Variants in STX4 observed in about 807,000 individuals in gnomAD.
STX4 encodes syntaxin-4.
In STX4, 24 loss-of-function variants were observed where a neutral mutation model predicts 41.8. The observed-to-expected ratio is 0.57, with a 90% CI of 0.42 to 0.81. The LOEUF (loss-of-function observed/expected upper bound fraction) is 0.81. Ranked by LOEUF, STX4 falls within the 30% of genes least tolerant of loss-of-function variation. The pLI is 0.00. For synonymous variants in STX4, 158 were observed against 156.4 expected (o/e 1.01, Z -0.08); for missense variants, 316 against 389.9 (o/e 0.81, Z 1.60).
rs1415679932 is a variant in STX4 at position 31,039,722 on chromosome 16, G to A, written c.814-1G>A. ...TTCCCTGACCCCCTCCTCTCCCACAGAAGAAAGTCTTGATTGCCATCTGTG... is the reference window on the plus strand; with the variant it reads ...TTCCCTGACCCCCTCCTCTCCCACAAAAGAAAGTCTTGATTGCCATCTGTG... On this transcript the variant is annotated splice_acceptor_variant, in intron 9 of 10. Coordinates refer to ENST00000313843, the MANE Select transcript of STX4 (RefSeq NM_004604.5). LOFTEE classifies it high-confidence loss of function. This position sits in a 1 kb window ranked among gnomAD's most constrained non-coding sequence, Gnocchi z 4.1. 1 of 1,614,208 alleles carries A rather than the reference G, an allele frequency of 6.2e-7. No individual in the cohort carries two copies. Among genetic ancestry groups the A allele is most frequent in the Non-Finnish European group, 8.5e-7 (1 of 1,180,034 alleles).
In STX4 at chr16:31,034,542, C is replaced by A. The variant is rs377136873; in HGVS notation, c.307+6C>A. ...GATCCGCCTGCAGCTGAAGGGTGAGCTCCTGGGACCTCAGACAGATCCTTC... is the reference window on the plus strand; with the variant it reads ...GATCCGCCTGCAGCTGAAGGGTGAGATCCTGGGACCTCAGACAGATCCTTC... On this transcript the variant is annotated splice_donor_region_variant and intron_variant, in intron 4 of 10. Transcript: ENST00000313843. 5 of 1,577,244 alleles carry A rather than the reference C, an allele frequency of 3.2e-6. No individual in the cohort carries two copies. The African/African-American group carries it at 5.4e-5, about 17-fold the overall frequency.
rs200012136 is a variant in STX4, at chr16:31,039,549, G to A, written c.711G>A (p.Met237Ile). The A allele has an allele frequency of 8.6e-5, 138 of 1,613,992 alleles. No individual in the cohort carries two copies. The highest frequency in any genetic ancestry group is 1.1e-4 in the Non-Finnish European group (126 of 1,180,016). Residue 237 changes from methionine (M) to isoleucine (I), a missense_variant, in exon 9 of 11, where the codon ATG becomes ATA. Physicochemically the swap from Met to Ile is conservative, Grantham distance 10. Transcript: ENST00000313843. The surrounding 1 kb of genome is among the most constrained non-coding windows in gnomAD (Gnocchi z 4.1). ...CCCCATCCTCTGAGCAGGGGGAGAT[G>A]ATCAATCGGATTGAGAAGAACATCC... ...LATEVEMQGE[M>I]INRIEKNILS...
chr16:31,040,091 G>C lies in STX4; in HGVS notation c.*195G>C. ...CTCCTCCTTCAGGCCTCAATGCCTG[G>C]GGGAGGCCTGCACTGTCCTGATTGG... is the stretch of plus-strand genomic sequence containing the variant. On this transcript the variant is annotated 3_prime_UTR_variant, in exon 11 of 11. Coordinates refer to ENST00000313843, the MANE Select transcript of STX4 (RefSeq NM_004604.5). The C allele has an allele frequency of 1.9e-6, 1 of 524,510 alleles. No individual in the cohort carries two copies. The highest frequency in any genetic ancestry group is 3.4e-6 in the Non-Finnish European group (1 of 289,938). 32.5% of individuals were successfully genotyped at this position (524,510 alleles called of 1,614,324 possible).
chr16:31,035,149 T>G, intron 5 of STX4, 109 bp downstream of exon 5: 1 of 821,246 alleles, frequency 1.2e-6, no homozygotes, highest in Non-Finnish European at 1.8e-6. Flanking sequence ...TCCAATTGGA[T>G]GACTTTTCCA....
In STX4 at chr16:31,040,037, G is replaced by A. The variant is rs932267623; in HGVS notation, c.*141G>A. ...ATGCAGAAGGGCAGACAGTTCTTCT[G>A]GGGTTGGCAGCTGCTCATTCATGAT... On this transcript the variant is annotated 3_prime_UTR_variant, in exon 11 of 11. Transcript: ENST00000313843. 1.7e-6 allele frequency: 1 copy of A among 582,374 alleles called. No homozygotes were observed. Among genetic ancestry groups the A allele is most frequent in the Non-Finnish European group, 3.1e-6 (1 of 326,542 alleles). 36.1% of individuals were successfully genotyped at this position (582,374 alleles called of 1,614,324 possible).
Position 31,038,556 on chromosome 16 carries a change from C to T in STX4, c.611C>T (p.Ser204Leu), listed in dbSNP as rs1165344395. The change falls in exon 8 of 11, where the codon TCG becomes TTG. Residue 204 changes from serine to leucine, a missense_variant. Coordinates refer to ENST00000313843, the MANE Select transcript of STX4 (RefSeq NM_004604.5). The part of the protein sequence containing the change: ...QVTRQALNEI[S>L]ARHSEIQQLE... ...ACTCGACAGGCCTTAAATGAGATCT[C>T]GGCCCGGCACAGTGAGATCCAGCAG... 9 of 1,613,962 alleles carry T rather than the reference C, an allele frequency of 5.6e-6. No homozygotes were observed. Among genetic ancestry groups the T allele is most frequent in the African/African-American group, 2.7e-5 (2 of 74,902 alleles).
intron 5 of STX4, among the ~76,000 whole-genome samples, chr16:31,036,815 T>C (rs960088124): frequency 3.9e-5 from 6 of 151,940 alleles, no homozygotes; most frequent in Non-Finnish European, 8.8e-5. Flanking sequence ...GAAAAGTGAA[T>C]GCAAAGGCTT....
chr16:31,034,400 G>T, intron 3 of STX4, 62 bp from the exon 4 acceptor site: 2 of 1,606,546 alleles, frequency 1.2e-6, no homozygotes, highest in Non-Finnish European at 1.7e-6. Flanking sequence ...CGCAGGTGGT[G>T]GCCAGAGTGG....
At chr16:31,033,278 G>T (rs1166108942), upstream of STX4, 4 of 707,014 alleles carry the variant, frequency 5.7e-6, no homozygotes, top group Admixed American at 8.1e-5. This position sits in a 1 kb window ranked among gnomAD's most constrained non-coding sequence, Gnocchi z 5.5. Flanking sequence ...CGGTCCACGA[G>T]TTTGGGACCG....
intron 5 of STX4, among the ~76,000 whole-genome samples, chr16:31,037,377 TTAAAAA>T (rs1391505874): frequency 1.2e-4 from 18 of 150,374 alleles, no homozygotes; most frequent in Admixed American, 6.6e-5. Flanking sequence ...CCTGTCTCTA[TTAAAAA>T]TAAAAATAGG....
intron 8 of STX4, 65 bp downstream of exon 8, chr16:31,038,712 C>T (rs732172): frequency 0.38 from 606,156 of 1,581,286 alleles, 122,831 homozygotes; most frequent in South Asian, 0.68. Flanking sequence ...CCTCCCGCCA[C>T]CCTTAGATTC....
rs1447050584 is a variant in STX4 at position 31,035,809 on chromosome 16, TCTCACTCTGTCCCTCAGG to T, written c.378+772_378+789del. 5.3e-5 allele frequency: 8 copies of T among 151,444 alleles called. No homozygotes were observed. The East Asian group carries it at 1.6e-3, about 30-fold the overall frequency. The allele number at this position is 151,444 out of a possible 1,614,324, so 9.4% of individuals were successfully genotyped here. On this transcript the variant is annotated intron_variant, in intron 5 of 10. Coordinates refer to ENST00000313843, the MANE Select transcript of STX4 (RefSeq NM_004604.5). ...TTATTATTATTTTTTTGAGATGGAGTCTCACTCTGTCCCTCAGGCTGGAGTACAGTGGCACAATCTTGG... is the reference window on the plus strand; with the variant it reads ...TTATTATTATTTTTTTGAGATGGAGTCTGGAGTACAGTGGCACAATCTTGG...
Position 31,033,731 on chromosome 16 carries a change from T to G in STX4, c.-75T>G, listed in dbSNP as rs1390960375. 45 of 1,449,440 alleles carry G rather than the reference T, an allele frequency of 3.1e-5. No individual in the cohort carries two copies. Among genetic ancestry groups the G allele is most frequent in the Non-Finnish European group, 4.0e-5 (44 of 1,101,766 alleles). 89.8% of individuals were successfully genotyped at this position (1,449,440 alleles called of 1,614,324 possible). A position where few individuals can be genotyped will look rare whatever the true frequency, so the allele number is the denominator to read the frequency against. ...AGGGGGAGGGAGGGGAGTGTCAGAG[T>G]GTGAGCGGGGTACGGGAATTCCAAA... On this transcript the variant is annotated 5_prime_UTR_variant, in exon 1 of 11. Transcript: ENST00000313843. The surrounding 1 kb of genome is among the most constrained non-coding windows in gnomAD (Gnocchi z 5.5).
In STX4 at chr16:31,039,616, A is replaced by G. The variant is rs1033941416; in HGVS notation, c.778A>G (p.Lys260Glu). The part of the protein sequence containing the change: ...DYVERGQEHV[K>E]TALENQKKAR... ...CGTGGAACGTGGGCAGGAGCACGTCAAGACGGCCCTGGAGAACCAGAAGAA... is the reference window on the plus strand; with the variant it reads ...CGTGGAACGTGGGCAGGAGCACGTCGAGACGGCCCTGGAGAACCAGAAGAA... The change falls in exon 9 of 11, where the codon AAG (lysine) becomes GAG (glutamate). Residue 260 changes from lysine (K) to glutamate (E), a missense_variant. Lys to Glu is a moderately conservative substitution (Grantham distance 56, BLOSUM62 1). Transcript: ENST00000313843. This position sits in a 1 kb window ranked among gnomAD's most constrained non-coding sequence, Gnocchi z 4.1. 5 of 1,614,046 alleles carry G rather than the reference A, an allele frequency of 3.1e-6. No individual in the cohort carries two copies. In the African/African-American group the frequency reaches 6.7e-5, roughly 22 times the overall value.
intron 5 of STX4, 86 bp from the exon 6 acceptor site, chr16:31,037,840 T>C: frequency 1.5e-6 from 2 of 1,349,920 alleles, no homozygotes; most frequent in Non-Finnish European, 2.1e-6. Flanking sequence ...GCTCATGCTA[T>C]TTGCTCACTG....
chr16:31,039,493 T>G lies in STX4; in HGVS notation c.703-48T>G, dbSNP rs1306299749. 1.3e-6 allele frequency: 2 copies of G among 1,581,678 alleles called. No individual in the cohort carries two copies. Among genetic ancestry groups the G allele is most frequent in the African/African-American group, 2.7e-5 (2 of 74,288 alleles). On this transcript the variant is annotated intron_variant, in intron 8 of 10. Coordinates refer to ENST00000313843, the MANE Select transcript of STX4 (RefSeq NM_004604.5). This position sits in a 1 kb window ranked among gnomAD's most constrained non-coding sequence, Gnocchi z 4.1. ...TGTTCTTCAGTCATCTGGGGTGGGG[T>G]GGGCAAAGGCATCCTTACCTCCCTG... is the stretch of plus-strand genomic sequence containing the variant.
upstream of STX4, chr16:31,033,517 G>C: frequency 6.4e-7 from 1 of 1,550,432 alleles, no homozygotes; most frequent in Non-Finnish European, 8.7e-7. This position sits in a 1 kb window ranked among gnomAD's most constrained non-coding sequence, Gnocchi z 5.5. Flanking sequence ...GAAGAGACGC[G>C]ACCATGTGCG....
intron 5 of STX4, among the ~76,000 whole-genome samples, chr16:31,035,540 C>G (rs1486070673): frequency 6.6e-6 from 1 of 152,022 alleles, no homozygotes; most frequent in Non-Finnish European, 1.5e-5. Context: ...CACATGTTTT[C>G]TGGGAGTCAA....
Position 31,039,897 on chromosome 16 carries a change from C to T in STX4, c.*16-15C>T. 2.1e-6 allele frequency: 3 copies of T among 1,434,366 alleles called. No individual in the cohort carries two copies. The highest frequency in any genetic ancestry group is 2.3e-5 in the East Asian group (1 of 43,990). The allele number at this position is 1,434,366 out of a possible 1,614,324, so 88.9% of individuals were successfully genotyped here. On this transcript the variant is annotated splice_polypyrimidine_tract_variant and intron_variant, in intron 10 of 10. Transcript: ENST00000313843. This position sits in a 1 kb window ranked among gnomAD's most constrained non-coding sequence, Gnocchi z 4.1. ...CCTCCTCCCTCAGACCCTGTTCTCCCTCCTTTCCTTACAGGCACTAGGAGC... is the reference window on the plus strand; with the variant it reads ...CCTCCTCCCTCAGACCCTGTTCTCCTTCCTTTCCTTACAGGCACTAGGAGC...
Sources: allele counts gnomAD v4.1 joint callset (sites outside exome capture counted in the v4.1 genomes callset), GRCh38; gene constraint gnomAD v4.1.1; non-coding constraint Gnocchi (gnomAD v3.1); transcripts MANE v1.5; gene names NCBI Gene and HGNC (gene_info 2026-07-23, HGNC 2026-07-21).